Variants in SH3D19 observed in about 807,000 individuals in gnomAD.
The protein encoded by SH3D19 is SH3 domain-containing protein 19.
In SH3D19, 58 loss-of-function variants were observed where a neutral mutation model predicts 112.1. The observed-to-expected ratio is 0.52, with a 90% CI of 0.42 to 0.64. The LOEUF is 0.64. Ranked by LOEUF, SH3D19 falls within the 30% of genes least tolerant of loss-of-function variation. The pLI is 0.00. For missense variants in SH3D19, 1,090 were observed against 1,263.4 expected, an observed-to-expected ratio of 0.86 and a Z score of 2.08; for synonymous variants, 391 against 448.5, an observed-to-expected ratio of 0.87 and a Z score of 1.62.
chr4:151,120,435 T>C lies in SH3D19; in HGVS notation c.*1656A>G, dbSNP rs1747823428. ...TCTTCAATATAAGATGTTAAAATTA[T>C]AAAGGCAAAGATATATACCTCATGT... On this transcript the variant is annotated 3_prime_UTR_variant, in exon 20 of 20. Coordinates refer to ENST00000604030, the MANE Select transcript of SH3D19 (RefSeq NM_001378122.1). 6.6e-6 allele frequency: 1 copy of C among 152,588 alleles called. No homozygotes were observed. The highest frequency in any genetic ancestry group is 6.5e-5 in the Admixed American group (1 of 15,280). 9.5% of individuals were successfully genotyped at this position (152,588 alleles called of 1,614,324 possible). A position where few individuals can be genotyped will look rare whatever the true frequency, so the allele number is the denominator to read the frequency against.
intron 2 of SH3D19, among the ~76,000 whole-genome samples, chr4:151,188,297 C>T (rs988370722): frequency 3.9e-5 from 6 of 152,152 alleles, no homozygotes; most frequent in African/African-American, 1.4e-4. Context: ...AAAGATACAA[C>T]TGTTTACAGT....
intron 2 of SH3D19, among the ~76,000 whole-genome samples, chr4:151,221,334 A>C (rs1432687973): frequency 2.1e-5 from 1 of 47,562 alleles, no homozygotes; most frequent in Non-Finnish European, 1.3e-4. Flanking sequence ...CTTTTTGTTT[A>C]TATTTTCTTC....
chr4:151,262,333 T>C (rs935621810), intron 1 of SH3D19: 3 of 152,220 alleles, frequency 2.0e-5, no homozygotes, highest in South Asian at 2.1e-4. Context: ...AGCGTTCTTA[T>C]ACACTGAAGG....
intron 15 of SH3D19, among the ~76,000 whole-genome samples, chr4:151,133,825 C>T (rs1367045655): frequency 1.3e-5 from 2 of 152,182 alleles, no homozygotes; most frequent in African/African-American, 4.8e-5. Flanking sequence ...TTTTAATCTC[C>T]TTTAAAAGGG....
chr4:151,210,499 T>G (rs186981693), intron 2 of SH3D19, among the ~76,000 whole-genome samples: 4,270 of 151,852 alleles, frequency 0.028, 107 homozygotes, highest in Admixed American at 0.075. Context: ...CCTCCTGGGT[T>G]CCTGCCATTC....
intron 1 of SH3D19, among the ~76,000 whole-genome samples, chr4:151,226,812 G>A (rs1425404056): frequency 6.6e-6 from 1 of 152,150 alleles, no homozygotes; most frequent in Non-Finnish European, 1.5e-5. Context: ...AGAAATAAGA[G>A]CACAGATGCT....
At chr4:151,165,257 G>A (rs1441398814) in intron 8 of SH3D19, among the ~76,000 whole-genome samples, 19 of 152,102 alleles carry the variant, frequency 1.2e-4, no homozygotes, top group Admixed American at 1.2e-3. Context: ...CAGGAGAATT[G>A]CTTGAATCCG....
At chr4:151,138,291 C>T (rs1752257898) in intron 13 of SH3D19, among the ~76,000 whole-genome samples, 1 of 152,016 alleles carries the variant, frequency 6.6e-6, no homozygotes, top group African/African-American at 2.4e-5. Context: ...AATAAGTTTA[C>T]CCATACCAAA....
chr4:151,122,077 G>T lies in SH3D19; in HGVS notation c.*14C>A. Reference sequence around the variant, plus strand: ...GTGAGTTCTTGTGCCAAGGAACACAGACAAGCTTCTCCTCTAGCTGATCTG... The same window carrying T: ...GTGAGTTCTTGTGCCAAGGAACACATACAAGCTTCTCCTCTAGCTGATCTG... On this transcript the variant is annotated 3_prime_UTR_variant, in exon 20 of 20. Transcript: ENST00000604030. 1 of 1,326,858 alleles carries T rather than the reference G, an allele frequency of 7.5e-7. No individual in the cohort carries two copies. The highest frequency in any genetic ancestry group is 1.1e-6 in the Non-Finnish European group (1 of 922,556). 82.2% of individuals were successfully genotyped at this position (1,326,858 alleles called of 1,614,324 possible). A position where few individuals can be genotyped will look rare whatever the true frequency, so the allele number is the denominator to read the frequency against.
chr4:151,177,711 C>T (rs1030069645), intron 4 of SH3D19, among the ~76,000 whole-genome samples: 5 of 152,158 alleles, frequency 3.3e-5, no homozygotes, highest in African/African-American at 1.2e-4. Flanking sequence ...AAAAGAATAT[C>T]CTCTTCTGCC....
chr4:151,157,418 T>C (rs1276371569), intron 9 of SH3D19, among the ~76,000 whole-genome samples: 3 of 95,406 alleles, frequency 3.1e-5, no homozygotes, highest in African/African-American at 8.0e-5. Flanking sequence ...ATGGCTATTA[T>C]CTAAAAGATA....
chr4:151,128,351 G>C lies in SH3D19; in HGVS notation c.2748C>G (p.Asn916Lys), dbSNP rs756419467. The change falls in exon 18 of 20, where the codon AAC becomes AAG. Residue 916 changes from asparagine to lysine, a missense_variant. Transcript: ENST00000604030. ...CTTCACACCATTCTGCCGGAAGACT[G>C]TTAACCTGTTATCAAATTAGAGGTG... ...KEDSGSNSQV[N>K]SLPAEWCEAL... 2 of 1,612,506 alleles carry C rather than the reference G, an allele frequency of 1.2e-6. No individual in the cohort carries two copies. The highest frequency in any genetic ancestry group is 1.7e-6 in the Non-Finnish European group (2 of 1,179,248).
chr4:151,308,735 T>C (rs915913021), intron 1 of SH3D19, among the ~76,000 whole-genome samples: 5 of 152,240 alleles, frequency 3.3e-5, no homozygotes, highest in Admixed American at 6.5e-5. Flanking sequence ...TAAACTGTAG[T>C]GTCACTAACC....
chr4:151,256,946 TG>T (rs1007189005), intron 1 of SH3D19, among the ~76,000 whole-genome samples: 1 of 151,824 alleles, frequency 6.6e-6, no homozygotes, highest in Non-Finnish European at 1.5e-5. Flanking sequence ...TTTGCCATTT[TG>T]GCTAGGTTGG....
intron 2 of SH3D19, among the ~76,000 whole-genome samples, chr4:151,225,790 G>T (rs1768893530): frequency 6.6e-6 from 1 of 152,086 alleles, no homozygotes; most frequent in Non-Finnish European, 1.5e-5. Context: ...TAATAAATGA[G>T]AGTAAAATAA....
chr4:151,186,237 A>G (rs1223430053), intron 3 of SH3D19, among the ~76,000 whole-genome samples: 1 of 152,182 alleles, frequency 6.6e-6, no homozygotes, highest in Non-Finnish European at 1.5e-5. Flanking sequence ...CCACACTAAT[A>G]GCAAGTTTTG....
At chr4:151,176,194 C>T (rs1759934398) in intron 6 of SH3D19, among the ~76,000 whole-genome samples, 1 of 152,180 alleles carries the variant, frequency 6.6e-6, no homozygotes, top group East Asian at 1.9e-4. Flanking sequence ...AACAGGACAA[C>T]CACCCTTAGC....
intron 17 of SH3D19, among the ~76,000 whole-genome samples, chr4:151,129,194 G>A (rs539932849): frequency 6.6e-6 from 1 of 152,182 alleles, no homozygotes; most frequent in Admixed American, 6.6e-5. Context: ...TTAATTTTAT[G>A]AGCTGTAGTT....
chr4:151,248,841 C>T (rs112541304), intron 1 of SH3D19, among the ~76,000 whole-genome samples: 2,048 of 152,184 alleles, frequency 0.013, 36 homozygotes, highest in African/African-American at 0.043. Context: ...ATGCAAACAA[C>T]GCACTTCAAT....
Sources: gnomAD v4.1 joint callset for allele counts (sites outside exome capture counted in the v4.1 genomes callset) on GRCh38, gnomAD v4.1.1 for gene constraint, MANE v1.5 for transcripts, NCBI Gene and HGNC (gene_info 2026-07-23, HGNC 2026-07-21) for gene names.